The following STYX variants were observed in gnomAD, a reference collection of about 807,000 sequenced individuals.
STYX encodes the protein serine/threonine/tyrosine interacting protein.
A neutral mutation model predicts 42.7 loss-of-function variants in STYX; 20 were observed. The ratio of observed to expected loss-of-function variants is 0.47; its 90% CI spans 0.33 to 0.68. STYX has a LOEUF of 0.68. STYX is among the 30% of genes least tolerant of loss of function. The pLI, the probability that STYX is intolerant of heterozygous loss-of-function variation, is 0.02. For synonymous variants in STYX, 78 were observed against 81.9 expected (o/e 0.95, Z 0.26); for missense variants, 226 against 268.5 (o/e 0.84, Z 1.11).
At chr14:52,761,573 T>TG (rs945437324) in intron 9 of STYX, among the ~76,000 whole-genome samples, 15 of 145,356 alleles carry the variant, frequency 1.0e-4, no homozygotes, top group East Asian at 4.2e-4. Flanking sequence ...AAAGTTTTTT[T>TG]TTTTTTTTTT....
Position 52,730,500 on chromosome 14 carries a change from C to A in STYX, c.26C>A (p.Pro9His). 1.2e-6 allele frequency: 2 copies of A among 1,613,720 alleles called. No homozygotes were observed. The highest frequency in any genetic ancestry group is 1.7e-6 in the Non-Finnish European group (2 of 1,179,868). Residue 9 changes from proline to histidine, a missense_variant, in exon 1 of 11, where the codon CCT becomes CAT. Pro to His is a moderately conservative substitution (Grantham distance 77). Transcript: ENST00000354586. ...ATGGAGGACGTGAAGCTGGAGTTCCCTTCCCTTCCACAGTGCAAGGAAGAC... is the reference window on the plus strand; with the variant it reads ...ATGGAGGACGTGAAGCTGGAGTTCCATTCCCTTCCACAGTGCAAGGAAGAC... Reference protein sequence around the residue: MEDVKLEFPSLPQCKEDAE... With the variant: MEDVKLEFHSLPQCKEDAE...
rs547474589 is a variant in STYX, at chr14:52,773,113, T to G, written c.*2007T>G. 1.3e-5 allele frequency: 2 copies of G among 152,260 alleles called. No individual in the cohort carries two copies. The highest frequency in any genetic ancestry group is 4.1e-4 in the South Asian group (2 of 4,822). The allele number at this position is 152,260 out of a possible 1,614,324, so 9.4% of individuals were successfully genotyped here. A position where few individuals can be genotyped will look rare whatever the true frequency, so the allele number is the denominator to read the frequency against. On this transcript the variant is annotated 3_prime_UTR_variant, in exon 11 of 11. Coordinates refer to ENST00000354586, the MANE Select transcript of STYX (RefSeq NM_145251.4). The stretch of plus-strand genomic sequence containing the variant: ...GTAAGTTTAGGTTTTAAAAACTTGT[T>G]TCATAAATATACATATATCCTCTCT...
chr14:52,737,574 A>G (rs1200835949), intron 1 of STYX, among the ~76,000 whole-genome samples: 2 of 152,254 alleles, frequency 1.3e-5, no homozygotes, highest in African/African-American at 4.8e-5. Flanking sequence ...GTAACTTAAA[A>G]TAGATCATTG....
At chr14:52,749,092 T>C (rs1270339058) in intron 3 of STYX, among the ~76,000 whole-genome samples, 4 of 152,250 alleles carry the variant, frequency 2.6e-5, no homozygotes, top group Non-Finnish European at 5.9e-5. Flanking sequence ...TTCTGGAGGC[T>C]GGCAAGTCCA....
At chr14:52,739,583 G>C (rs1246725283) in intron 1 of STYX, among the ~76,000 whole-genome samples, 3 of 147,496 alleles carry the variant, frequency 2.0e-5, no homozygotes, top group East Asian at 4.0e-4. Flanking sequence ...TGACTAAAAA[G>C]AGTATTTGGC....
chr14:52,759,650 C>T, intron 8 of STYX, 32 bp from the exon 9 acceptor site: 1 of 1,381,894 alleles, frequency 7.2e-7, no homozygotes, highest in Non-Finnish European at 1.0e-6. Flanking sequence ...TTAAATAATG[C>T]TATCACATTA....
intron 1 of STYX, among the ~76,000 whole-genome samples, chr14:52,736,505 T>G (rs1460984185): frequency 1.3e-5 from 2 of 152,218 alleles, no homozygotes; most frequent in African/African-American, 4.8e-5. Context: ...ATGTTTTATC[T>G]TCTCTTCTGA....
Position 52,730,232 on chromosome 14 carries a change from G to A in STYX, c.-243G>A. 1.8e-6 allele frequency: 1 copy of A among 567,864 alleles called. No individual in the cohort carries two copies. The highest frequency in any genetic ancestry group is 3.1e-6 in the Non-Finnish European group (1 of 317,814). 35.2% of individuals were successfully genotyped at this position (567,864 alleles called of 1,614,324 possible). A position where few individuals can be genotyped will look rare whatever the true frequency, so the allele number is the denominator to read the frequency against. Reference sequence around the variant, plus strand: ...AGGGGTACGGAGACTCTGGGGGAGGGAGACGGCAGCGGCATGGCGGCCGGG... The same window carrying A: ...AGGGGTACGGAGACTCTGGGGGAGGAAGACGGCAGCGGCATGGCGGCCGGG... On this transcript the variant is annotated 5_prime_UTR_variant, in exon 1 of 11. Coordinates refer to ENST00000354586, the MANE Select transcript of STYX (RefSeq NM_145251.4).
chr14:52,761,354 A>G (rs1882088404), intron 9 of STYX, among the ~76,000 whole-genome samples: 1 of 151,232 alleles, frequency 6.6e-6, no homozygotes, highest in South Asian at 2.1e-4. Context: ...AGAATATTGG[A>G]AATATCCTGA....
intron 4 of STYX, among the ~76,000 whole-genome samples, chr14:52,754,525 T>C (rs886761292): frequency 6.6e-6 from 1 of 152,120 alleles, no homozygotes; most frequent in Non-Finnish European, 1.5e-5. Flanking sequence ...GAAACACTTA[T>C]TCTTTATAAG....
chr14:52,732,159 G>T (rs962082566), intron 1 of STYX, among the ~76,000 whole-genome samples: 4 of 147,670 alleles, frequency 2.7e-5, no homozygotes, highest in African/African-American at 5.0e-5. Flanking sequence ...GTGCAGTGGC[G>T]CTGTCTCAGC....
chr14:52,742,926 G>A (rs1007094279), intron 1 of STYX, among the ~76,000 whole-genome samples: 3 of 151,470 alleles, frequency 2.0e-5, no homozygotes, highest in African/African-American at 7.3e-5. Context: ...CTCCCAAGTA[G>A]CTGGGATTAC....
In STYX at chr14:52,757,917, A is replaced by C; in HGVS notation, c.424A>C (p.Lys142Gln). Residue 142 changes from lysine to glutamine, a missense_variant, in exon 8 of 11, where the codon AAG becomes CAG. By Grantham distance (53) the Lys-to-Gln change is moderately conservative. Transcript: ENST00000354586. ...IAYIMETFGM[K>Q]YRDAFAYVQE... Reference sequence around the variant, plus strand: ...ATACATTATGGAAACATTTGGAATGAAGTACAGGTAAGAAAATACCCTAAA... The same window carrying C: ...ATACATTATGGAAACATTTGGAATGCAGTACAGGTAAGAAAATACCCTAAA... The C allele has an allele frequency of 6.2e-7, 1 of 1,611,410 alleles. No homozygotes were observed. Among genetic ancestry groups the C allele is most frequent in the South Asian group, 1.1e-5 (1 of 90,972 alleles).
At chr14:52,742,818 T>C (rs549721022) in intron 1 of STYX, among the ~76,000 whole-genome samples, 2 of 150,664 alleles carry the variant, frequency 1.3e-5, no homozygotes, top group African/African-American at 2.4e-5. Flanking sequence ...TTTTTTGAGA[T>C]GGAGTTTCAC....
At chr14:52,739,746 A>C (rs1173902388) in intron 1 of STYX, among the ~76,000 whole-genome samples, 1 of 140,664 alleles carries the variant, frequency 7.1e-6, no homozygotes, top group Middle Eastern at 3.9e-3. Context: ...AGCCCGAGTG[A>C]TCTTCCTGCC....
intron 9 of STYX, among the ~76,000 whole-genome samples, chr14:52,767,164 A>G (rs1001697215): frequency 6.6e-6 from 1 of 152,164 alleles, no homozygotes; most frequent in African/African-American, 2.4e-5. Context: ...AAAGAGATGC[A>G]CGTATTTGGG....
chr14:52,748,009 C>T (rs1039119267), intron 3 of STYX, among the ~76,000 whole-genome samples: 3 of 152,056 alleles, frequency 2.0e-5, no homozygotes, highest in South Asian at 2.1e-4. Context: ...AACAAAAACA[C>T]GCACAAAAAA....
chr14:52,743,470 A>G (rs926014075), intron 1 of STYX, among the ~76,000 whole-genome samples: 2 of 151,836 alleles, frequency 1.3e-5, no homozygotes, highest in Non-Finnish European at 2.9e-5. Context: ...AGTCCCAGCT[A>G]CTCGGGAGGC....
rs1297208090 is a variant in STYX at position 52,732,102 on chromosome 14, T to G, written c.57+1571T>G. On this transcript the variant is annotated intron_variant, in intron 1 of 10. Transcript: ENST00000354586. ...AGAATATACTCATGGTTTTTTTTTTTTTTTTTTTTTTGACACAGAGTTTCA... is the reference window on the plus strand; with the variant it reads ...AGAATATACTCATGGTTTTTTTTTTGTTTTTTTTTTTGACACAGAGTTTCA... 6.0e-5 allele frequency among the ~76,000 whole-genome samples: 9 copies of G among 149,378 alleles called. No individual in the cohort carries two copies. In the South Asian group the frequency reaches 8.5e-4, roughly 14 times the overall value.
Sources: allele counts gnomAD v4.1 joint callset (sites outside exome capture counted in the v4.1 genomes callset), GRCh38; gene constraint gnomAD v4.1.1; transcripts MANE v1.5; gene names NCBI Gene and HGNC (gene_info 2026-07-23, HGNC 2026-07-21).